The following BEND7 variants were observed in gnomAD, a reference collection of about 807,000 sequenced individuals.
BEND7 encodes BEN domain containing 7, also known as BEN domain-containing protein 7.
Under a neutral mutation model 50.9 loss-of-function variants are expected in BEND7, and 28 were observed. The ratio of observed to expected loss-of-function variants is 0.55; its 90% CI spans 0.41 to 0.75. The LOEUF (loss-of-function observed/expected upper bound fraction) is 0.75, where lower values mean the gene tolerates loss of function less well. Ranked by LOEUF, BEND7 falls within the 30% of genes least tolerant of loss-of-function variation. The probability of loss-of-function intolerance (pLI) is 0.00; values close to 1 mark genes in which losing one functional copy is unlikely to be tolerated. For synonymous variants in BEND7, 170 were observed against 183.9 expected, an observed-to-expected ratio of 0.92 and a Z score of 0.61; for missense variants, 477 against 491.3, an observed-to-expected ratio of 0.97 and a Z score of 0.28.
chr10:13,519,865 G>A (rs571520561), intron 2 of BEND7, among the ~76,000 whole-genome samples: 53 of 152,340 alleles, frequency 3.5e-4, no homozygotes, highest in African/African-American at 1.2e-3. Flanking sequence ...GGAATGGTAG[G>A]AGGCTAGGAT....
chr10:13,504,204 T>C (rs1398798445), intron 2 of BEND7, among the ~76,000 whole-genome samples: 1 of 152,142 alleles, frequency 6.6e-6, no homozygotes, highest in Non-Finnish European at 1.5e-5. Flanking sequence ...AGAAGCTCGT[T>C]GAGTGTGGTG....
intron 4 of BEND7, among the ~76,000 whole-genome samples, chr10:13,494,198 C>G (rs1464558525): frequency 2.0e-5 from 3 of 152,140 alleles, no homozygotes; most frequent in Admixed American, 1.3e-4. Context: ...GTGGGCGGAT[C>G]ACGAGGTCAA....
At chr10:13,476,952 T>C (rs916679541) in intron 6 of BEND7, among the ~76,000 whole-genome samples, 1 of 152,228 alleles carries the variant, frequency 6.6e-6, no homozygotes, top group Non-Finnish European at 1.5e-5. Flanking sequence ...CATTAAGTGT[T>C]AGTCACCATA....
intron 2 of BEND7, among the ~76,000 whole-genome samples, chr10:13,522,579 T>C (rs185978847): frequency 6.6e-6 from 1 of 152,280 alleles, no homozygotes; most frequent in African/African-American, 2.4e-5. Flanking sequence ...TAATGATGCT[T>C]ATTGGCGGCT....
rs568406118 is a variant in BEND7, at chr10:13,501,391, A to G, written c.146-1311T>C. 6.8e-3 allele frequency among the ~76,000 whole-genome samples: 1,029 copies of G among 151,398 alleles called. 15 individuals are homozygous for G. The highest frequency in any genetic ancestry group is 0.024 in the African/African-American group (981 of 41,288). ...CTCCATCTCAAAAAAAAAAAAAAAA[A>G]AAAAGAAAAAGAAAATATTTTCTAT... On this transcript the variant is annotated intron_variant, in intron 2 of 8. Coordinates refer to ENST00000466271, the MANE Select transcript of BEND7 (RefSeq NM_001369863.1).
At chr10:13,526,287 T>C (rs1776873271) in intron 1 of BEND7, 66 bp from the exon 2 acceptor site, 1 of 726,502 alleles carries the variant, frequency 1.4e-6, no homozygotes. Flanking sequence ...AGCAGTCAAG[T>C]CTAGAATCTC....
At position 13,492,635 on chromosome 10, in the gene BEND7, A is replaced by G. The variant is rs1230861673; in HGVS notation, c.813T>C (p.Ile271=). The part of the protein sequence containing the change: ...PEESRVLGFG[I]VLESPSSDPE... ...CATCTGAGGAAGGTGATTCCAGAAC[A>G]ATGCCGAATCCTAGAACGCGGCTCT... The change falls in exon 5 of 9, where the codon ATT becomes ATC. Residue 271 remains isoleucine (I), a synonymous_variant. Transcript: ENST00000466271. 2 of 1,614,078 alleles carry G rather than the reference A, an allele frequency of 1.2e-6. No individual in the cohort carries two copies. Among genetic ancestry groups the G allele is most frequent in the South Asian group, 1.1e-5 (1 of 91,036 alleles).
intron 6 of BEND7, among the ~76,000 whole-genome samples, chr10:13,455,531 G>A (rs993199913): frequency 6.6e-6 from 1 of 152,182 alleles, no homozygotes; most frequent in Non-Finnish European, 1.5e-5. Flanking sequence ...TGGAAGAAGA[G>A]GGGAGACAGG....
intron 2 of BEND7, 140 bp downstream of exon 2, chr10:13,525,998 G>A (rs2079437534): frequency 5.4e-6 from 2 of 367,148 alleles, no homozygotes; most frequent in Non-Finnish European, 5.0e-6. Flanking sequence ...TTGGCAATCT[G>A]TAAAATAAAA....
intron 1 of BEND7, among the ~76,000 whole-genome samples, chr10:13,528,080 G>A (rs1477970413): frequency 6.6e-6 from 1 of 152,038 alleles, no homozygotes; most frequent in Non-Finnish European, 1.5e-5. Flanking sequence ...TTCTCTTGGC[G>A]GGGGGAAGGG....
At chr10:13,497,275 C>T (rs2077089633) in intron 3 of BEND7, among the ~76,000 whole-genome samples, 1 of 152,078 alleles carries the variant, frequency 6.6e-6, no homozygotes, top group East Asian at 1.9e-4. Context: ...TGAGGACAGC[C>T]TTGCAAAAAA....
At chr10:13,471,919 A>C (rs1213082854) in intron 6 of BEND7, among the ~76,000 whole-genome samples, 2 of 152,176 alleles carry the variant, frequency 1.3e-5, no homozygotes, top group Non-Finnish European at 2.9e-5. Context: ...GATACCCGTC[A>C]TCACTGTTAG....
At chr10:13,467,235 A>G (rs542420246) in intron 6 of BEND7, among the ~76,000 whole-genome samples, 1 of 152,226 alleles carries the variant, frequency 6.6e-6, no homozygotes, top group African/African-American at 2.4e-5. Flanking sequence ...TCTGATCCTC[A>G]CTCTTTCAGG....
intron 6 of BEND7, among the ~76,000 whole-genome samples, chr10:13,454,628 A>C (rs1020072813): frequency 2.0e-5 from 3 of 152,170 alleles, no homozygotes; most frequent in Non-Finnish European, 4.4e-5. Context: ...CGACTTGTAC[A>C]ACTGTGCCCT....
intron 6 of BEND7, among the ~76,000 whole-genome samples, chr10:13,465,888 TG>T (rs2074199941): frequency 6.7e-6 from 1 of 149,104 alleles, no homozygotes; most frequent in Non-Finnish European, 1.5e-5. Flanking sequence ...CTCTCTCGTG[TG>T]TGTGTGTGTG....
At chr10:13,467,258 A>G (rs2074345642) in intron 6 of BEND7, among the ~76,000 whole-genome samples, 1 of 152,258 alleles carries the variant, frequency 6.6e-6, no homozygotes, top group Non-Finnish European at 1.5e-5. Flanking sequence ...CCAAGTTGCT[A>G]GGACAAAGGC....
chr10:13,473,452 A>G (rs1469502959), intron 6 of BEND7, among the ~76,000 whole-genome samples: 1 of 149,814 alleles, frequency 6.7e-6, no homozygotes, highest in African/African-American at 2.5e-5. Flanking sequence ...TTTGGGGTCG[A>G]TACCCATCAT....
At chr10:13,472,403 G>A (rs952219366) in intron 6 of BEND7, among the ~76,000 whole-genome samples, 2 of 151,238 alleles carry the variant, frequency 1.3e-5, no homozygotes, top group Admixed American at 6.6e-5. Context: ...ACTCAGGGCC[G>A]ATATCTGTCA....
chr10:13,473,273 G>A (rs1043507214), intron 6 of BEND7, among the ~76,000 whole-genome samples: 4 of 149,178 alleles, frequency 2.7e-5, no homozygotes, highest in Admixed American at 6.7e-5. Context: ...GGCCGATATC[G>A]TCATCGCTGT....
Sources: allele counts gnomAD v4.1 joint callset (sites outside exome capture counted in the v4.1 genomes callset), GRCh38; gene constraint gnomAD v4.1.1; transcripts MANE v1.5; gene names NCBI Gene and HGNC (gene_info 2026-07-23, HGNC 2026-07-21).